Variants in C17orf67 observed in about 807,000 individuals in gnomAD.
C17orf67 encodes chromosome 17 open reading frame 67.
C17orf67 carries 12 observed loss-of-function variants against 11.2 expected under a neutral mutation model. That is an observed-to-expected ratio of 1.07 (90% CI 0.68 to 1.73). The LOEUF (loss-of-function observed/expected upper bound fraction) is 1.73. Ranked by LOEUF, C17orf67 falls within the 40% of genes most tolerant of loss-of-function variation. The probability of loss-of-function intolerance (pLI) is 0.00; values close to 1 mark genes in which losing one functional copy is unlikely to be tolerated. For synonymous variants in C17orf67, 59 were observed against 46.9 expected, an observed-to-expected ratio of 1.26 and a Z score of -1.05; for missense variants, 115 against 113.5, an observed-to-expected ratio of 1.01 and a Z score of -0.06.
intron 6 of C17orf67, among the ~76,000 whole-genome samples, chr17:56,809,829 C>CA (rs1491159384): frequency 7.1e-6 from 1 of 141,798 alleles, no homozygotes. Flanking sequence ...CTCACACACT[C>CA]ACACACCCCT....
chr17:56,821,527 C>T (rs1227984232), intron 4 of C17orf67, among the ~76,000 whole-genome samples: 1 of 152,188 alleles, frequency 6.6e-6, no homozygotes, highest in Non-Finnish European at 1.5e-5. Context: ...ATCTAGGCCA[C>T]TGTTATCTCT....
At chr17:56,810,040 TCA>T (rs569439101) in intron 6 of C17orf67, among the ~76,000 whole-genome samples, 56 of 106,638 alleles carry the variant, frequency 5.3e-4, no homozygotes, top group African/African-American at 1.7e-3. Context: ...CATGCATCCC[TCA>T]CACACACCCC....
At position 56,805,862 on chromosome 17, in the gene C17orf67, G is replaced by T. The variant is rs150166205; in HGVS notation, c.156+9007C>A. Among the ~76,000 whole-genome samples, 41 of 151,342 alleles carry T rather than the reference G, an allele frequency of 2.7e-4. No homozygotes were observed. The East Asian group carries it at 7.2e-3, about 26-fold the overall frequency. On this transcript the variant is annotated intron_variant, in intron 6 of 7. Coordinates refer to ENST00000397861, the MANE Select transcript of C17orf67 (RefSeq NM_001085430.4). ...TATGTTAATATTAAGGGAAAAAACA[G>T]GATAGAAAATTGTAGATACTTTTTT...
At chr17:56,825,819 A>T (rs756426232) in intron 2 of C17orf67, among the ~76,000 whole-genome samples, 1 of 152,236 alleles carries the variant, frequency 6.6e-6, no homozygotes, top group Non-Finnish European at 1.5e-5. Flanking sequence ...ATCAGTTTCC[A>T]TAGAAAATAA....
At chr17:56,805,195 C>T (rs938802420) in intron 6 of C17orf67, among the ~76,000 whole-genome samples, 16 of 152,116 alleles carry the variant, frequency 1.1e-4, no homozygotes. Flanking sequence ...GGGGGAGGCA[C>T]CAGAAAGGCC....
chr17:56,814,286 G>A (rs1404104717), intron 6 of C17orf67, among the ~76,000 whole-genome samples: 2 of 152,176 alleles, frequency 1.3e-5, no homozygotes, highest in African/African-American at 4.8e-5. Flanking sequence ...ACCAAGCCAG[G>A]CCTGAATTGG....
chr17:56,793,610 CA>C (rs1905157876), intron 7 of C17orf67, among the ~76,000 whole-genome samples: 2 of 152,212 alleles, frequency 1.3e-5, no homozygotes, highest in Non-Finnish European at 2.9e-5. Context: ...CCCCAACTTA[CA>C]GAGGCAGAAG....
chr17:56,815,634 GAA>G (rs1905740969), intron 5 of C17orf67, 120 bp downstream of exon 5: 2 of 734,712 alleles, frequency 2.7e-6, no homozygotes, highest in Non-Finnish European at 3.6e-6. Flanking sequence ...AATAAGAAAA[GAA>G]AGAGCATTGA....
At chr17:56,820,579 C>T (rs1227894228) in intron 4 of C17orf67, among the ~76,000 whole-genome samples, 1 of 152,168 alleles carries the variant, frequency 6.6e-6, no homozygotes, top group Non-Finnish European at 1.5e-5. Context: ...TCCACACAGA[C>T]AGTGGCCCGG....
chr17:56,819,327 T>C (rs992061628), intron 4 of C17orf67, among the ~76,000 whole-genome samples: 1 of 152,218 alleles, frequency 6.6e-6, no homozygotes, highest in Non-Finnish European at 1.5e-5. Context: ...CAGGAAAGCC[T>C]GCCCTTACCA....
In C17orf67 at chr17:56,814,895, G is replaced by A; in HGVS notation, c.130C>T (p.Pro44Ser). 1 of 1,614,078 alleles carries A rather than the reference G, an allele frequency of 6.2e-7. No individual in the cohort carries two copies. The highest frequency in any genetic ancestry group is 1.1e-5 in the South Asian group (1 of 91,084). Residue 44 changes from proline (P) to serine (S), a missense_variant, in exon 6 of 8, where the codon CCC becomes TCC. Coordinates refer to ENST00000397861, the MANE Select transcript of C17orf67 (RefSeq NM_001085430.4). ...RSRRQDRPSKPGFPDEPMREY... is the reference protein window; with the variant it reads ...RSRRQDRPSKSGFPDEPMREY... Reference sequence around the variant, plus strand: ...CGCATTGGCTCATCGGGGAATCCGGGTTTGCTTGGTCTATCCTGTCGCCGA... The same window carrying A: ...CGCATTGGCTCATCGGGGAATCCGGATTTGCTTGGTCTATCCTGTCGCCGA...
At chr17:56,829,074 T>C (rs1362514291) in intron 2 of C17orf67, among the ~76,000 whole-genome samples, 1 of 151,634 alleles carries the variant, frequency 6.6e-6, no homozygotes, top group Admixed American at 6.6e-5. Flanking sequence ...GAGTCAGGAG[T>C]TCAAGACCAG....
chr17:56,815,643 T>C (rs1300577831), intron 5 of C17orf67, 113 bp downstream of exon 5: 10 of 811,716 alleles, frequency 1.2e-5, no homozygotes, highest in African/African-American at 5.4e-5. Context: ...AGAAAGAGCA[T>C]TGAAATATCT....
intron 6 of C17orf67, among the ~76,000 whole-genome samples, chr17:56,803,626 T>C (rs1360624725): frequency 6.6e-6 from 1 of 152,144 alleles, no homozygotes; most frequent in Non-Finnish European, 1.5e-5. Context: ...ATAAATGAAA[T>C]AACTGTTCTT....
rs762865551 is a variant in C17orf67, at chr17:56,815,894, C to A, written c.-84G>T. On this transcript the variant is annotated 5_prime_UTR_variant, in exon 5 of 8. Coordinates refer to ENST00000397861, the MANE Select transcript of C17orf67 (RefSeq NM_001085430.4). ...TTGAAGGAAGCCATGCCAGGCCCTG[C>A]GCTTGTTTATGCTTTGACTAACGGG... 1.5e-5 allele frequency: 24 copies of A among 1,601,802 alleles called. No individual in the cohort carries two copies. The highest frequency in any genetic ancestry group is 1.9e-5 in the Non-Finnish European group (22 of 1,173,114).
chr17:56,806,043 T>C (rs1023738717), intron 6 of C17orf67, among the ~76,000 whole-genome samples: 1 of 147,090 alleles, frequency 6.8e-6, no homozygotes, highest in East Asian at 2.1e-4. Context: ...GGTGTGATCT[T>C]GGCTCACTGC....
chr17:56,829,737 G>A (rs1200046254), intron 2 of C17orf67, among the ~76,000 whole-genome samples: 2 of 152,214 alleles, frequency 1.3e-5, no homozygotes, highest in African/African-American at 4.8e-5. Flanking sequence ...AGACCCTGGA[G>A]CACATCAGCA....
chr17:56,797,725 CA>C (rs1905239109), intron 6 of C17orf67, among the ~76,000 whole-genome samples: 1 of 152,108 alleles, frequency 6.6e-6, no homozygotes, highest in African/African-American at 2.4e-5. Flanking sequence ...TTTGTCTTTG[CA>C]TCTCCTCTCT....
chr17:56,817,026 T>G lies in C17orf67; in HGVS notation c.-200-1016A>C, dbSNP rs118022971. ...CACAACACTCAATTAACTTTTTTAT[T>G]TTTTTATTTTGTAGAGACAGGGTCT... On this transcript the variant is annotated intron_variant, in intron 4 of 7. Transcript: ENST00000397861. Among the ~76,000 whole-genome samples, 9 of 152,224 alleles carry G rather than the reference T, an allele frequency of 5.9e-5. No homozygotes were observed. In the East Asian group the frequency reaches 1.7e-3, roughly 29 times the overall value.
Sources: allele counts gnomAD v4.1 joint callset (sites outside exome capture counted in the v4.1 genomes callset), GRCh38; gene constraint gnomAD v4.1.1; transcripts MANE v1.5; gene names NCBI Gene and HGNC (gene_info 2026-07-23, HGNC 2026-07-21).